The following XPO5 variants were observed in gnomAD, a reference collection of about 807,000 sequenced individuals.
XPO5 encodes exportin-5.
A neutral mutation model predicts 160.6 loss-of-function variants in XPO5; 46 were observed. The observed-to-expected ratio is 0.29, with a 90% CI of 0.23 to 0.37. The LOEUF is 0.37. Among genes scored for constraint, XPO5 ranks in the 10% least tolerant of loss-of-function variants. The pLI, the probability that XPO5 is intolerant of heterozygous loss-of-function variation, is 1.00. For synonymous variants in XPO5, 537 were observed against 519.3 expected (o/e 1.03, Z -0.46); for missense variants, 1,090 against 1,463.9 (o/e 0.74, Z 4.17).
chr6:43,573,414 T>C (rs1317944355), intron 2 of XPO5, 66 bp downstream of exon 2: 68 of 1,593,432 alleles, frequency 4.3e-5, no homozygotes, highest in Non-Finnish European at 5.5e-5. Context: ...AGCATCTCTA[T>C]AGGTTATATA....
intron 13 of XPO5, 23 bp from the exon 14 acceptor site, chr6:43,553,526 TACACAC>T (rs111634867): frequency 1.4e-5 from 20 of 1,447,934 alleles, no homozygotes; most frequent in African/African-American, 2.9e-5. Context: ...CACACACACA[TACACAC>T]ACACACACAC....
rs1026047313 is a variant in XPO5, at chr6:43,522,982, T to G, written c.*886A>C. ...AGACCATGAGATTGTGGAAGGCACCTGGACTTAGTCCTAGGAGAAGACCAG... is the reference window on the plus strand; with the variant it reads ...AGACCATGAGATTGTGGAAGGCACCGGGACTTAGTCCTAGGAGAAGACCAG... On this transcript the variant is annotated 3_prime_UTR_variant, in exon 32 of 32. Coordinates refer to ENST00000265351, the MANE Select transcript of XPO5 (RefSeq NM_020750.3). 1.3e-4 allele frequency: 23 copies of G among 174,466 alleles called. No homozygotes were observed. Among genetic ancestry groups the G allele is most frequent in the African/African-American group, 5.2e-4 (22 of 42,068 alleles). The allele number at this position is 174,466 out of a possible 1,614,324, so 10.8% of individuals were successfully genotyped here.
chr6:43,568,149 A>G (rs1196796323), intron 6 of XPO5, among the ~76,000 whole-genome samples: 1 of 151,816 alleles, frequency 6.6e-6, no homozygotes, highest in African/African-American at 2.4e-5. Flanking sequence ...TCTACTAAAA[A>G]TACAAAAAAT....
intron 1 of XPO5, among the ~76,000 whole-genome samples, chr6:43,573,823 A>ATATTTT (rs1491529922): frequency 7.9e-6 from 1 of 126,196 alleles, no homozygotes; most frequent in Non-Finnish European, 1.6e-5. Flanking sequence ...ATATATATAT[A>ATATTTT]TTTTTTTTTT....
chr6:43,551,202 G>A (rs1795212249), intron 15 of XPO5, 96 bp downstream of exon 15: 3 of 1,297,854 alleles, frequency 2.3e-6, no homozygotes, highest in Admixed American at 6.0e-5. Flanking sequence ...TCCAGCCTGG[G>A]CAATGTAGCA....
chr6:43,546,546 G>C, intron 20 of XPO5, 25 bp downstream of exon 20: 1 of 1,585,964 alleles, frequency 6.3e-7, no homozygotes, highest in Non-Finnish European at 8.6e-7. Context: ...GAAAACAACA[G>C]AGAAAAGCCA....
chr6:43,547,484 G>A (rs751481992), intron 19 of XPO5, 124 bp downstream of exon 19: 8 of 804,722 alleles, frequency 9.9e-6, no homozygotes, highest in Non-Finnish European at 1.5e-5. Context: ...GAAGCTTAGG[G>A]AAGTGGAGAC....
At chr6:43,565,568 T>TAAAA in intron 8 of XPO5, 92 bp downstream of exon 8, 1 of 982,718 alleles carries the variant, frequency 1.0e-6, no homozygotes, top group Non-Finnish European at 1.4e-6. Context: ...CATCTCAAAA[T>TAAAA]AAAAAAAAAA....
At chr6:43,547,990 T>C (rs1446072034) in intron 18 of XPO5, among the ~76,000 whole-genome samples, 3 of 152,338 alleles carry the variant, frequency 2.0e-5, no homozygotes, top group African/African-American at 7.2e-5. Flanking sequence ...GTCTGTGTGG[T>C]TGTATGGCCC....
intron 12 of XPO5, among the ~76,000 whole-genome samples, chr6:43,557,606 G>A (rs1762167358): frequency 6.6e-6 from 1 of 151,990 alleles, no homozygotes; most frequent in Non-Finnish European, 1.5e-5. Flanking sequence ...GGAGAGATGA[G>A]GGAATTGGGG....
intron 2 of XPO5, 79 bp downstream of exon 2, chr6:43,573,401 A>C: frequency 6.4e-7 from 1 of 1,565,630 alleles, no homozygotes; most frequent in East Asian, 2.3e-5. Context: ...TACTCACCTA[A>C]ACAGCATCTC....
chr6:43,535,813 C>CA (rs60341205), intron 20 of XPO5, among the ~76,000 whole-genome samples: 11,003 of 71,640 alleles, frequency 0.15, 1,396 homozygotes, highest in African/African-American at 0.37. Context: ...GACTCCATCT[C>CA]AAAAAAAAAA....
At chr6:43,538,335 G>C (rs12111248) in intron 20 of XPO5, among the ~76,000 whole-genome samples, 2 of 151,764 alleles carry the variant, frequency 1.3e-5, no homozygotes, top group African/African-American at 2.4e-5. Context: ...ATTTTTAGTA[G>C]AGATGGGGTT....
At position 43,523,730 on chromosome 6, in the gene XPO5, C is replaced by T. The variant is rs966679177; in HGVS notation, c.*138G>A. 6.4e-6 allele frequency: 9 copies of T among 1,411,058 alleles called. No individual in the cohort carries two copies. The highest frequency in any genetic ancestry group is 2.3e-5 in the South Asian group (2 of 86,248). 87.4% of individuals were successfully genotyped at this position (1,411,058 alleles called of 1,614,324 possible). Reference sequence around the variant, plus strand: ...GGTCCTGCACAGGGCCTGTTCTCTCCAGCTCCAGACCTGGATCTCTTTCCA... The same window carrying T: ...GGTCCTGCACAGGGCCTGTTCTCTCTAGCTCCAGACCTGGATCTCTTTCCA... On this transcript the variant is annotated 3_prime_UTR_variant, in exon 32 of 32. Coordinates refer to ENST00000265351, the MANE Select transcript of XPO5 (RefSeq NM_020750.3).
Position 43,576,031 on chromosome 6 carries a change from C to T in XPO5, c.-167G>A. 1.7e-6 allele frequency: 1 copy of T among 580,330 alleles called. No individual in the cohort carries two copies. The highest frequency in any genetic ancestry group is 2.2e-5 in the South Asian group (1 of 45,264). The allele number at this position is 580,330 out of a possible 1,614,324, so 35.9% of individuals were successfully genotyped here. Reference sequence around the variant, plus strand: ...AACTCGCGCTGGGAAGAAGCCGGCGCTGCGCACGCGCCCGGCCCGCCACTG... The same window carrying T: ...AACTCGCGCTGGGAAGAAGCCGGCGTTGCGCACGCGCCCGGCCCGCCACTG... On this transcript the variant is annotated 5_prime_UTR_variant, in exon 1 of 32. Transcript: ENST00000265351.
Position 43,522,541 on chromosome 6 carries a change from G to A in XPO5, c.*1327C>T. ...ATCAGGTTTGGAGGGAAACACTCTT[G>A]AGATCGCCTTCACGATCCACAGAAA... On this transcript the variant is annotated 3_prime_UTR_variant, in exon 32 of 32. Coordinates refer to ENST00000265351, the MANE Select transcript of XPO5 (RefSeq NM_020750.3). 3.8e-6 allele frequency: 1 copy of A among 263,408 alleles called. No homozygotes were observed. Among genetic ancestry groups the A allele is most frequent in the South Asian group, 3.2e-5 (1 of 30,900 alleles). 16.3% of individuals were successfully genotyped at this position (263,408 alleles called of 1,614,324 possible). A position where few individuals can be genotyped will look rare whatever the true frequency, so the allele number is the denominator to read the frequency against.
Position 43,551,289 on chromosome 6 carries a change from G to C in XPO5, c.1728+9C>G. On this transcript the variant is annotated intron_variant, in intron 15 of 31. Transcript: ENST00000265351. ...AAAATAAAATTTACAAAGGAGATGG[G>C]CTTTATACCTTAGAGAAGACCTGGG... 1 of 1,594,712 alleles carries C rather than the reference G, an allele frequency of 6.3e-7. No homozygotes were observed. Among genetic ancestry groups the C allele is most frequent in the South Asian group, 1.2e-5 (1 of 86,954 alleles).
At position 43,575,584 on chromosome 6, in the gene XPO5, G is replaced by A. The variant is rs1463001079; in HGVS notation, c.105+176C>T. Among the ~76,000 whole-genome samples the A allele has an allele frequency of 2.0e-5, 3 of 152,362 alleles. No individual in the cohort carries two copies. The East Asian group carries it at 5.8e-4, about 29-fold the overall frequency. ...GCAAAGGACAGGAGCGGCGAGTAGA[G>A]AAGGCGGCGATTTGGGAGAGGCGCG... On this transcript the variant is annotated intron_variant, in intron 1 of 31. Transcript: ENST00000265351.
chr6:43,559,646 C>T (rs1439137324), intron 11 of XPO5, among the ~76,000 whole-genome samples: 1 of 152,252 alleles, frequency 6.6e-6, no homozygotes, highest in African/African-American at 2.4e-5. Flanking sequence ...TGTATGGTCA[C>T]TGCTCTTGCC....
Sources: gnomAD v4.1 joint callset for allele counts (sites outside exome capture counted in the v4.1 genomes callset) on GRCh38, gnomAD v4.1.1 for gene constraint, MANE v1.5 for transcripts, NCBI Gene and HGNC (gene_info 2026-07-23, HGNC 2026-07-21) for gene names.